Variants in RYR1 observed in about 807,000 individuals in gnomAD.
RYR1 encodes central core disease of muscle.
RYR1 carries 342 observed loss-of-function variants against 583.5 expected under a neutral mutation model. That is an observed-to-expected ratio of 0.59 (90% CI 0.54 to 0.64). The LOEUF is 0.64. Ranked by LOEUF, RYR1 falls within the 30% of genes least tolerant of loss-of-function variation. The probability of loss-of-function intolerance (pLI) is 0.00; values close to 1 mark genes in which losing one functional copy is unlikely to be tolerated. For missense variants in RYR1, 6,032 were observed against 6,917.2 expected, an observed-to-expected ratio of 0.87 and a Z score of 4.54; for synonymous variants, 2,791 against 2,822.5, an observed-to-expected ratio of 0.99 and a Z score of 0.35.
chr19:38,547,401 G>C (rs1483172517), intron 88 of RYR1, among the ~76,000 whole-genome samples: 2 of 151,922 alleles, frequency 1.3e-5, no homozygotes, highest in African/African-American at 4.8e-5. Context: ...AGCTTCAGCT[G>C]CTGCCTTTAG....
intron 7 of RYR1, 116 bp from the exon 8 acceptor site, chr19:38,446,356 C>A (rs1445950925): frequency 1.3e-6 from 1 of 794,296 alleles, no homozygotes; most frequent in African/African-American, 1.7e-5. Context: ...TGCAAAACCC[C>A]AAACTCAGCC....
chr19:38,530,395 G>C (rs1208818724), intron 76 of RYR1, among the ~76,000 whole-genome samples: 1 of 151,084 alleles, frequency 6.6e-6, no homozygotes. Flanking sequence ...CTCCTGAGTA[G>C]CTGGGACTAC....
At chr19:38,519,526 G>A (rs908288888) in intron 67 of RYR1, 72 bp downstream of exon 67, 12 of 1,511,552 alleles carry the variant, frequency 7.9e-6, no homozygotes, top group South Asian at 6.0e-5. Context: ...TCTGATCTCC[G>A]CCTCCTGACT....
At chr19:38,517,249 T>C (rs1230354964) in intron 65 of RYR1, 110 bp from the exon 66 acceptor site, 2 of 1,113,746 alleles carry the variant, frequency 1.8e-6, no homozygotes, top group African/African-American at 3.1e-5. Flanking sequence ...TGGGAGACTG[T>C]TTAAGGGGGG....
chr19:38,487,664 C>G (rs946942871), intron 34 of RYR1, among the ~76,000 whole-genome samples: 1 of 150,634 alleles, frequency 6.6e-6, no homozygotes, highest in East Asian at 2.0e-4. Context: ...GACAGGGTCT[C>G]GCTCTGTCAC....
chr19:38,492,535 C>T lies in RYR1; in HGVS notation c.6173C>T (p.Thr2058Ile). Reference protein sequence around the residue: ...GEEEEPEEETTLGSRLMSLLE... With the variant: ...GEEEEPEEETILGSRLMSLLE... ...GAGGAGGAACCAGAGGAAGAGACCA[C>T]CCTGGGCAGCCGCCTCATGAGCCTG... The change falls in exon 38 of 106, where the codon ACC becomes ATC. Residue 2058 changes from threonine to isoleucine, a missense_variant. Around this residue, in one of 11 missense-constraint regions of RYR1, gnomAD observed 2,627 missense variants for 2,961.3 expected, o/e 0.89. Coordinates refer to ENST00000359596, the MANE Select transcript of RYR1 (RefSeq NM_000540.3). The T allele has an allele frequency of 6.2e-7, 1 of 1,614,076 alleles. No individual in the cohort carries two copies. Among genetic ancestry groups the T allele is most frequent in the Non-Finnish European group, 8.5e-7 (1 of 1,179,980 alleles).
chr19:38,536,339 C>T (rs1292964773), intron 82 of RYR1, among the ~76,000 whole-genome samples: 1 of 146,666 alleles, frequency 6.8e-6, no homozygotes, highest in African/African-American at 2.5e-5. Flanking sequence ...ACTACATGGA[C>T]CCCACCCTCC....
rs60733320 is a variant in RYR1 at position 38,587,255 on chromosome 19, A to AATATAT, written c.15022-59_15022-54dup. ...GCAACAGAGCAACACCCTGTCTAAA[A>AATATAT]ATATATATATATATATGTCTCAAGG... On this transcript the variant is annotated intron_variant, in intron 105 of 105. Transcript: ENST00000359596. The AATATAT allele has an allele frequency of 3.7e-5, 36 of 979,418 alleles. No individual in the cohort carries two copies. In the African/African-American group the frequency reaches 4.0e-4, roughly 11 times the overall value. 60.7% of individuals were successfully genotyped at this position (979,418 alleles called of 1,614,324 possible). A position where few individuals can be genotyped will look rare whatever the true frequency, so the allele number is the denominator to read the frequency against.
chr19:38,577,043 G>A (rs1176690785), intron 97 of RYR1, among the ~76,000 whole-genome samples: 4 of 151,848 alleles, frequency 2.6e-5, no homozygotes, highest in East Asian at 3.9e-4. Context: ...CCACCACCAC[G>A]TCTGGCTAAT....
At position 38,548,386 on chromosome 19, in the gene RYR1, C is replaced by A; in HGVS notation, c.12248C>A (p.Pro4083His). The change falls in exon 89 of 106, where the codon CCC becomes CAC. Residue 4083 changes from proline (P) to histidine (H), a missense_variant. By Grantham distance (77) the Pro-to-His change is moderately conservative. Transcript: ENST00000359596. ...SEAFQDYVTD[P>H]RGLISKKDFQ... ...GCCTTCCAGGACTACGTAACGGATC[C>A]CCGTGGCCTCATCTCCAAGAAGGAC... 1 of 1,614,086 alleles carries A rather than the reference C, an allele frequency of 6.2e-7. No individual in the cohort carries two copies. Among genetic ancestry groups the A allele is most frequent in the South Asian group, 1.1e-5 (1 of 91,078 alleles).
At position 38,515,031 on chromosome 19, in the gene RYR1, G is replaced by A. The variant is rs377561682; in HGVS notation, c.9478G>A (p.Asp3160Asn). The A allele has an allele frequency of 2.5e-6, 4 of 1,613,076 alleles. No homozygotes were observed. Among genetic ancestry groups the A allele is most frequent in the South Asian group, 1.1e-5 (1 of 91,000 alleles). ...HQFGDDVILD[D>N]VQVSCYRTLC... ...TCGCCCCCTGTCTCCCTCAGTGGAC[G>A]ACGTCCAGGTCTCTTGCTACCGAAC... The change falls in exon 64 of 106, where the codon GAC (aspartate) becomes AAC (asparagine). Residue 3160 changes from aspartate to asparagine, a missense_variant. Around this residue, in one of 11 missense-constraint regions of RYR1, gnomAD observed 1,493 missense variants for 1,715.5 expected, o/e 0.87. Coordinates refer to ENST00000359596, the MANE Select transcript of RYR1 (RefSeq NM_000540.3).
chr19:38,454,197 G>A (rs1312488932), intron 13 of RYR1, among the ~76,000 whole-genome samples: 2 of 152,022 alleles, frequency 1.3e-5, no homozygotes, highest in Non-Finnish European at 1.5e-5. Context: ...GAGCCACCAC[G>A]CCTGGCTAAT....
At position 38,494,521 on chromosome 19, in the gene RYR1, C is replaced by G; in HGVS notation, c.6444C>G (p.Ser2148=). The change falls in exon 39 of 106, where the codon TCC becomes TCG. Residue 2148 remains serine, a synonymous_variant. Transcript: ENST00000359596. ...GGGCGTACACCATCTCACCGTCCTC[C>G]GTGGAAGACACCATGAGCCTGCTCG... The part of the protein sequence containing the change: ...LPRAYTISPS[S]VEDTMSLLEC... 1 of 1,613,916 alleles carries G rather than the reference C, an allele frequency of 6.2e-7. No individual in the cohort carries two copies. The highest frequency in any genetic ancestry group is 2.2e-5 in the East Asian group (1 of 44,888).
rs139045983 is a variant in RYR1, at chr19:38,492,993, C to T, written c.6274+357C>T. ...CTGAGGCACGAGAATTGCTTGAATGCAGGAGGTGGGGGTTGCAGTGAGCCC... is the reference window on the plus strand; with the variant it reads ...CTGAGGCACGAGAATTGCTTGAATGTAGGAGGTGGGGGTTGCAGTGAGCCC... On this transcript the variant is annotated intron_variant, in intron 38 of 105. Coordinates refer to ENST00000359596, the MANE Select transcript of RYR1 (RefSeq NM_000540.3). Among the ~76,000 whole-genome samples the T allele has an allele frequency of 2.4e-3, 372 of 152,148 alleles. 3 individuals are homozygous for T. The highest frequency in any genetic ancestry group is 8.4e-3 in the African/African-American group (349 of 41,528).
intron 90 of RYR1, among the ~76,000 whole-genome samples, chr19:38,563,188 C>T (rs1464634037): frequency 6.6e-6 from 1 of 152,256 alleles, no homozygotes. Flanking sequence ...ATTCCACTTT[C>T]CCCTGCTTCT....
Position 38,527,801 on chromosome 19 carries a change from G to A in RYR1, c.10824+17G>A. The A allele has an allele frequency of 6.2e-7, 1 of 1,613,858 alleles. No homozygotes were observed. The highest frequency in any genetic ancestry group is 8.5e-7 in the Non-Finnish European group (1 of 1,179,884). ...CTGGACCAGGTGGGTGGGGCCGGAG[G>A]GGTCTTTCTACTGGGTCTCTGGGCG... On this transcript the variant is annotated intron_variant, in intron 73 of 105. Transcript: ENST00000359596.
chr19:38,532,063 A>G (rs1339983053), intron 76 of RYR1, among the ~76,000 whole-genome samples: 7 of 151,674 alleles, frequency 4.6e-5, no homozygotes, highest in African/African-American at 1.5e-4. Flanking sequence ...CACTCCAGCC[A>G]CCTGAGTCAC....
intron 1 of RYR1, among the ~76,000 whole-genome samples, chr19:38,440,364 C>T (rs957778496): frequency 2.0e-5 from 3 of 152,062 alleles, no homozygotes; most frequent in African/African-American, 7.2e-5. Context: ...CATGGCGAAA[C>T]CTTGTCTCTA....
chr19:38,526,276 T>A (rs1032139855), intron 71 of RYR1, among the ~76,000 whole-genome samples: 1 of 151,900 alleles, frequency 6.6e-6, no homozygotes, highest in African/African-American at 2.4e-5. Context: ...TCTCCGATCC[T>A]TTCCAGCTTC....
Sources: gnomAD v4.1 joint callset for allele counts (sites outside exome capture counted in the v4.1 genomes callset) on GRCh38, gnomAD v4.1.1 for gene constraint, gnomAD v4.1.1 regional missense constraint, MANE v1.5 for transcripts, NCBI Gene and HGNC (gene_info 2026-07-23, HGNC 2026-07-21) for gene names.